The following PCDHGA4 variants were observed in gnomAD, a reference collection of about 807,000 sequenced individuals.
The protein encoded by PCDHGA4 is protocadherin gamma subfamily A, 4, also known as protocadherin gamma-A4.
PCDHGA4 carries 38 observed loss-of-function variants against 54.6 expected under a neutral mutation model. The observed-to-expected ratio is 0.70, with a 90% CI of 0.54 to 0.91. The LOEUF (loss-of-function observed/expected upper bound fraction) is 0.91. Ranked by LOEUF, PCDHGA4 falls within the 40% of genes least tolerant of loss-of-function variation. The pLI, the probability that PCDHGA4 is intolerant of heterozygous loss-of-function variation, is 0.00. For missense variants in PCDHGA4, 1,298 were observed against 1,220.9 expected (o/e 1.06, Z -0.94); for synonymous variants, 511 against 512.9 (o/e 1.00, Z 0.05).
chr5:141,415,853 G>GTAGTT, intron 1 of PCDHGA4: 1 of 1,186,350 alleles, frequency 8.4e-7, no homozygotes, highest in Non-Finnish European at 1.1e-6. Context: ...GCAGAACCTT[G>GTAGTT]TAGTTTATAG....
chr5:141,398,799 C>T (rs2093705548), intron 1 of PCDHGA4: 3 of 1,613,848 alleles, frequency 1.9e-6, no homozygotes, highest in East Asian at 2.2e-5. Context: ...CCCTAAGCGG[C>T]ACCACTGAGC....
Position 141,477,691 on chromosome 5 carries a change from A to G in PCDHGA4, c.2515-17116A>G, listed in dbSNP as rs1315811441. 6.2e-7 allele frequency: 1 copy of G among 1,614,188 alleles called. No homozygotes were observed. Among genetic ancestry groups the G allele is most frequent in the South Asian group, 1.1e-5 (1 of 91,090 alleles). On this transcript the variant is annotated intron_variant, in intron 1 of 3. Coordinates refer to ENST00000571252, the MANE Select transcript of PCDHGA4 (RefSeq NM_018917.4). This position sits in a 1 kb window ranked among gnomAD's most constrained non-coding sequence, Gnocchi z 4.9. ...GCATAGTGTCATCCTTAGTGCCCCT[A>G]GACTATGAGGATCGGCGGGAATTTG...
Position 141,355,102 on chromosome 5 carries a change from C to T in PCDHGA4, c.-6C>T. 6.7e-7 allele frequency: 1 copy of T among 1,501,220 alleles called. No homozygotes were observed. The highest frequency in any genetic ancestry group is 8.9e-7 in the Non-Finnish European group (1 of 1,126,056). The allele number at this position is 1,501,220 out of a possible 1,614,324, so 93.0% of individuals were successfully genotyped here. A position where few individuals can be genotyped will look rare whatever the true frequency, so the allele number is the denominator to read the frequency against. On this transcript the variant is annotated 5_prime_UTR_variant, in exon 1 of 4. Coordinates refer to ENST00000571252, the MANE Select transcript of PCDHGA4 (RefSeq NM_018917.4). ...CAAGCGGAAGCCCTGAGAGCTCTGG[C>T]TGTGAATGCACTTTATTTTGGACCC... is the stretch of plus-strand genomic sequence containing the variant.
Position 141,489,268 on chromosome 5 carries a change from G to T in PCDHGA4, c.2515-5539G>T. On this transcript the variant is annotated intron_variant, in intron 1 of 3. Transcript: ENST00000571252. This position sits in a 1 kb window ranked among gnomAD's most constrained non-coding sequence, Gnocchi z 4.5. The stretch of plus-strand genomic sequence containing the variant: ...GGGGCCCAAGACACTCCCACAGCTC[G>T]CTGGGAAATGGCAAGTGCTGTGCAT... The T allele has an allele frequency of 3.9e-6, 6 of 1,553,284 alleles. No homozygotes were observed. The South Asian group carries it at 5.0e-5, about 13-fold the overall frequency.
At position 141,490,341 on chromosome 5, in the gene PCDHGA4, A is replaced by C. The variant is rs778299384; in HGVS notation, c.2515-4466A>C. ...TCCTAGAGAGCACACCAGTGGGCACAGTAGTGGGGTTGTTTAATGTGCGAG... is the reference window on the plus strand; with the variant it reads ...TCCTAGAGAGCACACCAGTGGGCACCGTAGTGGGGTTGTTTAATGTGCGAG... On this transcript the variant is annotated intron_variant, in intron 1 of 3. Coordinates refer to ENST00000571252, the MANE Select transcript of PCDHGA4 (RefSeq NM_018917.4). This position sits in a 1 kb window ranked among gnomAD's most constrained non-coding sequence, Gnocchi z 5.4. The C allele has an allele frequency of 5.0e-6, 8 of 1,614,204 alleles. No homozygotes were observed. The South Asian group carries it at 8.8e-5, about 18-fold the overall frequency.
intron 1 of PCDHGA4, chr5:141,403,857 C>T (rs1431988074): frequency 6.2e-7 from 1 of 1,613,412 alleles, no homozygotes; most frequent in South Asian, 1.1e-5. Flanking sequence ...GGGGAAATAT[C>T]AACAGCAAAA....
At chr5:141,383,757 T>A (rs557236350) in intron 1 of PCDHGA4, 1 of 1,613,992 alleles carries the variant, frequency 6.2e-7, no homozygotes, top group East Asian at 2.2e-5. Context: ...AAATAACTCC[T>A]AAACTTCCAA....
chr5:141,414,351 G>A (rs771256149), intron 1 of PCDHGA4: 16 of 1,613,676 alleles, frequency 9.9e-6, no homozygotes, highest in South Asian at 6.6e-5. Flanking sequence ...CCATTTTGGC[G>A]TATCTACCAT....
chr5:141,450,490 T>C (rs1480357834), intron 1 of PCDHGA4, among the ~76,000 whole-genome samples: 1 of 152,164 alleles, frequency 6.6e-6, no homozygotes, highest in Non-Finnish European at 1.5e-5. Context: ...TTTGTTTGTC[T>C]GTTTGTTTGT....
chr5:141,374,457 A>C lies in PCDHGA4; in HGVS notation c.2514+16836A>C, dbSNP rs775796857. ...TATCCCGTGGAAGTGGAAATAGTGG[A>C]CATTAATGACAATACACCCCGATTC... On this transcript the variant is annotated intron_variant, in intron 1 of 3. Coordinates refer to ENST00000571252, the MANE Select transcript of PCDHGA4 (RefSeq NM_018917.4). The C allele has an allele frequency of 2.5e-6, 4 of 1,613,430 alleles. No homozygotes were observed. The South Asian group carries it at 4.4e-5, about 18-fold the overall frequency.
At chr5:141,400,268 C>T (rs976476082) in intron 1 of PCDHGA4, 3 of 1,613,962 alleles carry the variant, frequency 1.9e-6, no homozygotes, top group East Asian at 4.5e-5. Flanking sequence ...CTGCGACGCT[C>T]CTCCAGCCCT....
rs769671283 is a variant in PCDHGA4, at chr5:141,511,391, C to T, written c.*218C>T. On this transcript the variant is annotated 3_prime_UTR_variant, in exon 4 of 4. Transcript: ENST00000571252. Reference sequence around the variant, plus strand: ...TGCAAAAGCAGTTCCGCTGGGAACCCCCATCCAATCAACTGCTGTACCCAT... The same window carrying T: ...TGCAAAAGCAGTTCCGCTGGGAACCTCCATCCAATCAACTGCTGTACCCAT... The T allele has an allele frequency of 6.4e-5, 69 of 1,079,630 alleles. No individual in the cohort carries two copies. The highest frequency in any genetic ancestry group is 1.5e-4 in the Admixed American group (5 of 34,354). 66.9% of individuals were successfully genotyped at this position (1,079,630 alleles called of 1,614,324 possible). A position where few individuals can be genotyped will look rare whatever the true frequency, so the allele number is the denominator to read the frequency against.
At chr5:141,463,417 G>A (rs548514637) in intron 1 of PCDHGA4, among the ~76,000 whole-genome samples, 1 of 146,650 alleles carries the variant, frequency 6.8e-6, no homozygotes, top group South Asian at 2.2e-4. Context: ...ATCCTAGTTT[G>A]CGGATCCTCA....
chr5:141,428,025 G>C, intron 1 of PCDHGA4: 1 of 1,606,426 alleles, frequency 6.2e-7, no homozygotes, highest in Non-Finnish European at 8.5e-7. Flanking sequence ...ACGCGCCGCA[G>C]AGTCCGGCTA....
intron 1 of PCDHGA4, among the ~76,000 whole-genome samples, chr5:141,437,156 G>A (rs2097864365): frequency 6.6e-6 from 1 of 152,172 alleles, no homozygotes. Flanking sequence ...TAACATATGT[G>A]TTGATTGTTT....
chr5:141,419,700 C>T, intron 1 of PCDHGA4: 2 of 1,612,974 alleles, frequency 1.2e-6, no homozygotes, highest in Non-Finnish European at 1.7e-6. Context: ...GCCAGTGAGC[C>T]CGGGCTCTTC....
intron 1 of PCDHGA4, chr5:141,407,933 TG>T: frequency 2.0e-6 from 1 of 505,054 alleles, no homozygotes; most frequent in Non-Finnish European, 3.4e-6. Flanking sequence ...ACGGAGCCTC[TG>T]GGCGCCGCTG....
intron 1 of PCDHGA4, chr5:141,410,848 T>TA: frequency 1.9e-5 from 7 of 365,918 alleles, no homozygotes; most frequent in Non-Finnish European, 3.2e-5. Context: ...TTTGTCTTTG[T>TA]CTTTTTTTTT....
At position 141,487,507 on chromosome 5, in the gene PCDHGA4, A is replaced by C; in HGVS notation, c.2515-7300A>C. 6.2e-7 allele frequency: 1 copy of C among 1,614,138 alleles called. No individual in the cohort carries two copies. Among genetic ancestry groups the C allele is most frequent in the Non-Finnish European group, 8.5e-7 (1 of 1,180,028 alleles). On this transcript the variant is annotated intron_variant, in intron 1 of 3. Coordinates refer to ENST00000571252, the MANE Select transcript of PCDHGA4 (RefSeq NM_018917.4). This position sits in a 1 kb window ranked among gnomAD's most constrained non-coding sequence, Gnocchi z 5.0. ...ATGGCTGTACACCCTTGGCTTCTGC[A>C]CCCACTCGGAGTGATAGCTTCATGA...
Sources: allele counts gnomAD v4.1 joint callset (sites outside exome capture counted in the v4.1 genomes callset), GRCh38; gene constraint gnomAD v4.1.1; non-coding constraint Gnocchi (gnomAD v3.1); transcripts MANE v1.5; gene names NCBI Gene and HGNC (gene_info 2026-07-23, HGNC 2026-07-21).